XPO7: variants seen among roughly 807,000 people sequenced by gnomAD.
The protein encoded by XPO7 is exportin 7.
XPO7 carries 21 observed loss-of-function variants against 144.3 expected under a neutral mutation model. The observed-to-expected ratio is 0.15, with a 90% CI of 0.10 to 0.21. XPO7 has a LOEUF of 0.21. XPO7 is among the 10% of genes least tolerant of loss of function. The pLI is 1.00. For missense variants in XPO7, 808 were observed against 1,325.8 expected, an observed-to-expected ratio of 0.61 and a Z score of 6.06; for synonymous variants, 580 against 499.6, an observed-to-expected ratio of 1.16 and a Z score of -2.15.
intron 20 of XPO7, 97 bp downstream of exon 20, chr8:21,994,548 A>T (rs1187812894): frequency 8.8e-7 from 1 of 1,130,100 alleles, no homozygotes; most frequent in African/African-American, 1.5e-5. Context: ...AAGGGAGGGT[A>T]GTGAGGCAGA....
intron 9 of XPO7, among the ~76,000 whole-genome samples, 164 bp downstream of exon 9, chr8:21,980,367 A>C (rs28448463): frequency 0.025 from 3,772 of 152,316 alleles, 161 homozygotes; most frequent in African/African-American, 0.086. Context: ...TTATTTGCCC[A>C]AAAGAGGAGC....
In XPO7 at chr8:22,005,763, C is replaced by T. The variant is rs2117417618; in HGVS notation, c.*675C>T. 6.6e-6 allele frequency: 1 copy of T among 152,346 alleles called. No individual in the cohort carries two copies. The highest frequency in any genetic ancestry group is 1.9e-4 in the East Asian group (1 of 5,186). The allele number at this position is 152,346 out of a possible 1,614,324, so 9.4% of individuals were successfully genotyped here. A position where few individuals can be genotyped will look rare whatever the true frequency, so the allele number is the denominator to read the frequency against. On this transcript the variant is annotated 3_prime_UTR_variant, in exon 28 of 28. Coordinates refer to ENST00000252512, the MANE Select transcript of XPO7 (RefSeq NM_015024.5). ...CTCTAAGCCATGCCAGAACACCGTC[C>T]CTCCCCTTGGACCGTGTAGATTCTG...
intron 1 of XPO7, among the ~76,000 whole-genome samples, chr8:21,945,157 G>A (rs1411274254): frequency 6.6e-6 from 1 of 151,828 alleles, no homozygotes; most frequent in African/African-American, 2.4e-5. Flanking sequence ...CGGGCAGAGG[G>A]GCTCTTCACT....
chr8:21,968,551 C>T (rs1299603547), intron 2 of XPO7, among the ~76,000 whole-genome samples: 4 of 152,176 alleles, frequency 2.6e-5, no homozygotes, highest in African/African-American at 7.2e-5. Flanking sequence ...GGGAGATGCC[C>T]AGCTAGCTCT....
At chr8:21,938,233 TCTGTAATACTGA>T (rs1810883313) in intron 1 of XPO7, among the ~76,000 whole-genome samples, 1 of 152,216 alleles carries the variant, frequency 6.6e-6, no homozygotes, top group Admixed American at 6.5e-5. Flanking sequence ...GATGATAATG[TCTGTAATACTGA>T]CTGGTATACC....
chr8:21,976,287 G>A, intron 6 of XPO7, 69 bp from the exon 7 acceptor site: 1 of 1,554,584 alleles, frequency 6.4e-7, no homozygotes. Flanking sequence ...TAACAGCTTT[G>A]TTGAGTCTGG....
At chr8:21,933,240 A>G (rs1383407753) in intron 1 of XPO7, among the ~76,000 whole-genome samples, 1 of 151,866 alleles carries the variant, frequency 6.6e-6, no homozygotes, top group African/African-American at 2.4e-5. Context: ...AGCTGGGACT[A>G]CAGGCATGTG....
Position 22,004,979 on chromosome 8 carries a change from T to C in XPO7, c.3171-16T>C. The C allele has an allele frequency of 1.1e-6, 1 of 931,120 alleles. No homozygotes were observed. The highest frequency in any genetic ancestry group is 1.6e-6 in the Non-Finnish European group (1 of 623,124). 57.7% of individuals were successfully genotyped at this position (931,120 alleles called of 1,614,324 possible). On this transcript the variant is annotated splice_polypyrimidine_tract_variant and intron_variant, in intron 27 of 27. Transcript: ENST00000252512. Reference sequence around the variant, plus strand: ...CCCCACTCTCCTCCCCCAACCCACATGCATCCTCTCTGCAGGTTCACCCAG... The same window carrying C: ...CCCCACTCTCCTCCCCCAACCCACACGCATCCTCTCTGCAGGTTCACCCAG...
rs1353827375 is a variant in XPO7, at chr8:21,999,688, G to A, written c.2782+14G>A. The stretch of plus-strand genomic sequence containing the variant: ...TTACTGCACTTGGTAAGCACCTGAG[G>A]TGGGTGGGTGAGTTGGTGGGTTTGT... On this transcript the variant is annotated intron_variant, in intron 24 of 27. Coordinates refer to ENST00000252512, the MANE Select transcript of XPO7 (RefSeq NM_015024.5). The A allele has an allele frequency of 1.9e-6, 3 of 1,613,820 alleles. No homozygotes were observed. The highest frequency in any genetic ancestry group is 1.3e-5 in the African/African-American group (1 of 75,056).
chr8:21,994,399 A>C lies in XPO7; in HGVS notation c.2185A>C (p.Ile729Leu). The change falls in exon 20 of 28, where the codon ATC becomes CTC. Residue 729 changes from isoleucine (I) to leucine (L), a missense_variant. By Grantham distance (5) the Ile-to-Leu change is conservative. Around this residue, in one of 5 missense-constraint regions of XPO7, gnomAD observed 416 missense variants for 612.5 expected, o/e 0.68. Coordinates refer to ENST00000252512, the MANE Select transcript of XPO7 (RefSeq NM_015024.5). ...LVGLVRDLRG[I>L]AFAFNAKTSF... is the part of the protein sequence containing the mutation. ...TGGCCTAGTAAGAGACCTGAGAGGGATCGCTTTCGCTTTCAATGCCAAGAC... is the reference window on the plus strand; with the variant it reads ...TGGCCTAGTAAGAGACCTGAGAGGGCTCGCTTTCGCTTTCAATGCCAAGAC... The C allele has an allele frequency of 6.2e-7, 1 of 1,612,646 alleles. No individual in the cohort carries two copies. The highest frequency in any genetic ancestry group is 8.5e-7 in the Non-Finnish European group (1 of 1,178,928).
At chr8:21,992,055 C>T (rs17296501) in intron 19 of XPO7, 81 bp downstream of exon 19, 158,559 of 1,026,364 alleles carry the variant, frequency 0.15, 13,372 homozygotes, top group East Asian at 0.37. Context: ...TGACTGTAAA[C>T]TATCCACTGC....
chr8:21,932,656 T>C (rs933853230), intron 1 of XPO7, among the ~76,000 whole-genome samples: 2 of 152,236 alleles, frequency 1.3e-5, no homozygotes, highest in East Asian at 1.9e-4. Flanking sequence ...TAAAACTGTC[T>C]GTCTTCTTCC....
At chr8:22,004,747 T>G (rs1375753888) in intron 27 of XPO7, among the ~76,000 whole-genome samples, 2 of 151,674 alleles carry the variant, frequency 1.3e-5, no homozygotes, top group African/African-American at 2.4e-5. Context: ...GAGGGCAACT[T>G]CCTACTTCTG....
intron 1 of XPO7, among the ~76,000 whole-genome samples, chr8:21,928,386 T>C (rs1810531667): frequency 1.3e-5 from 2 of 152,352 alleles, no homozygotes; most frequent in East Asian, 3.9e-4. Flanking sequence ...TGAATAAAGA[T>C]GCTGTGAATA....
Position 21,919,742 on chromosome 8 carries a change from G to GCGACCAC in XPO7, c.-29_-28insCGACCAC. The GCGACCAC allele has an allele frequency of 2.6e-6, 1 of 390,684 alleles. No homozygotes were observed. Among genetic ancestry groups the GCGACCAC allele is most frequent in the Non-Finnish European group, 3.8e-6 (1 of 261,532 alleles). 24.2% of individuals were successfully genotyped at this position (390,684 alleles called of 1,614,324 possible). A position where few individuals can be genotyped will look rare whatever the true frequency, so the allele number is the denominator to read the frequency against. On this transcript the variant is annotated 5_prime_UTR_variant, in exon 1 of 28. Coordinates refer to ENST00000252512, the MANE Select transcript of XPO7 (RefSeq NM_015024.5). Reference sequence around the variant, plus strand: ...CGAGGTGCGCGCTGGGGGGGAGGGGGGGCCGGAGAGGAGCATGAATGGAGC... The same window carrying GCGACCAC: ...CGAGGTGCGCGCTGGGGGGGAGGGGGCGACCACGGCCGGAGAGGAGCATGAATGGAGC...
chr8:21,943,386 G>T (rs1397765732), intron 1 of XPO7, among the ~76,000 whole-genome samples: 2 of 152,170 alleles, frequency 1.3e-5, no homozygotes, highest in South Asian at 4.1e-4. Flanking sequence ...ATGCTATGGT[G>T]ATTGACAGCA....
Position 21,984,768 on chromosome 8 carries a change from A to G in XPO7, c.1400A>G (p.Gln467Arg). ...GCACTCCTCGTGCAGTTGTTTGACC[A>G]GTCGGCCCAGTCGTACCAGGAGCTG... ...TCALLVQLFD[Q>R]SAQSYQELLQ... Residue 467 changes from glutamine to arginine, a missense_variant, in exon 12 of 28, where the codon CAG becomes CGG. Gln to Arg is a conservative substitution (Grantham distance 43, BLOSUM62 1). Transcript: ENST00000252512. The G allele has an allele frequency of 6.2e-7, 1 of 1,614,056 alleles. No homozygotes were observed. Among genetic ancestry groups the G allele is most frequent in the Non-Finnish European group, 8.5e-7 (1 of 1,179,908 alleles).
chr8:21,931,385 A>G (rs1174450661), intron 1 of XPO7, among the ~76,000 whole-genome samples: 3 of 151,452 alleles, frequency 2.0e-5, no homozygotes, highest in Non-Finnish European at 2.9e-5. Flanking sequence ...CTGGTCTCGA[A>G]CTCTTGACCT....
chr8:21,990,283 C>T lies in XPO7; in HGVS notation c.1869-61C>T, dbSNP rs1233455972. On this transcript the variant is annotated intron_variant, in intron 16 of 27. Coordinates refer to ENST00000252512, the MANE Select transcript of XPO7 (RefSeq NM_015024.5). ...ACTGTCCTTTATTCTGGAAAGTTTC[C>T]ATCTGCCTTAGAGTTTCGGCCTGCT... 22 of 1,546,272 alleles carry T rather than the reference C, an allele frequency of 1.4e-5. No individual in the cohort carries two copies. In the East Asian group the frequency reaches 3.9e-4, roughly 27 times the overall value.
Sources: allele counts gnomAD v4.1 joint callset (sites outside exome capture counted in the v4.1 genomes callset), GRCh38; gene constraint gnomAD v4.1.1; regional missense constraint gnomAD v4.1.1; transcripts MANE v1.5; gene names NCBI Gene and HGNC (gene_info 2026-07-23, HGNC 2026-07-21).